The following PRKN variants were observed in gnomAD, a reference collection of about 807,000 sequenced individuals.
PRKN encodes E3 ubiquitin-protein ligase parkin.
A neutral mutation model predicts 59.5 loss-of-function variants in PRKN; 56 were observed. That is an observed-to-expected ratio of 0.94 (90% CI 0.76 to 1.18). The LOEUF is 1.18. Among genes scored for constraint, PRKN ranks in the 50% most tolerant of loss-of-function variants. PRKN has a pLI of 0.00. For missense variants in PRKN, 657 were observed against 596.4 expected (o/e 1.10, Z -1.06); for synonymous variants, 250 against 222.1 (o/e 1.13, Z -1.12).
chr6:161,605,939 T>G (rs2128144837), intron 7 of PRKN, among the ~76,000 whole-genome samples: 1 of 152,256 alleles, frequency 6.6e-6, no homozygotes, highest in Non-Finnish European at 1.5e-5. Flanking sequence ...TGCGGACATG[T>G]GTGCAAACAC....
At chr6:162,450,311 A>T (rs901206828) in intron 1 of PRKN, among the ~76,000 whole-genome samples, 1 of 112,780 alleles carries the variant, frequency 8.9e-6, no homozygotes, top group African/African-American at 6.6e-5. Flanking sequence ...GTGAATATGA[A>T]CGCCCGTGAA....
chr6:162,033,677 T>A (rs1783726924), intron 5 of PRKN, among the ~76,000 whole-genome samples: 1 of 152,192 alleles, frequency 6.6e-6, no homozygotes, highest in South Asian at 2.1e-4. Context: ...AGCATGATTT[T>A]TTAATTAATT....
chr6:161,716,375 T>C (rs2128183909), intron 7 of PRKN, among the ~76,000 whole-genome samples: 1 of 152,250 alleles, frequency 6.6e-6, no homozygotes, highest in African/African-American at 2.4e-5. Flanking sequence ...AGTGCTTTTT[T>C]CCCCCTAAAT....
chr6:162,612,026 A>C (rs909649290), intron 1 of PRKN, among the ~76,000 whole-genome samples: 10 of 141,140 alleles, frequency 7.1e-5, no homozygotes, highest in Middle Eastern at 3.6e-3. Context: ...TCTACTAAAA[A>C]TACGAAAAAA....
intron 1 of PRKN, among the ~76,000 whole-genome samples, chr6:162,701,486 A>T (rs1420301078): frequency 6.6e-6 from 1 of 152,022 alleles, no homozygotes; most frequent in Non-Finnish European, 1.5e-5. Flanking sequence ...AAAAAAAAAA[A>T]TTGGCTCATG....
intron 2 of PRKN, among the ~76,000 whole-genome samples, chr6:162,296,596 T>C (rs1294723218): frequency 6.6e-6 from 1 of 152,090 alleles, no homozygotes; most frequent in Non-Finnish European, 1.5e-5. Flanking sequence ...CCAACCAAAT[T>C]ATTATGTGCC....
At chr6:161,897,963 T>C (rs1220649448) in intron 6 of PRKN, among the ~76,000 whole-genome samples, 4 of 844 alleles carry the variant, frequency 4.7e-3, no homozygotes, top group Admixed American at 0.029. Context: ...CGAGACTCCG[T>C]CTCAAAAAAA....
chr6:161,915,194 C>A (rs1778509708), intron 6 of PRKN, among the ~76,000 whole-genome samples: 1 of 151,982 alleles, frequency 6.6e-6, no homozygotes, highest in African/African-American at 2.4e-5. Context: ...GCTGAGGCAC[C>A]AGAATTATTT....
intron 9 of PRKN, among the ~76,000 whole-genome samples, chr6:161,490,547 C>T (rs542486080): frequency 7.2e-5 from 11 of 152,042 alleles, no homozygotes; most frequent in African/African-American, 2.4e-4. Context: ...GGCACCACCA[C>T]GCTCAGCTAA....
At chr6:162,173,712 T>C (rs1360169662) in intron 4 of PRKN, among the ~76,000 whole-genome samples, 3 of 152,208 alleles carry the variant, frequency 2.0e-5, no homozygotes, top group Admixed American at 1.3e-4. Flanking sequence ...AACTGGGTCA[T>C]AGTCTCCTGG....
At chr6:162,381,921 GT>G (rs1562718050) in intron 2 of PRKN, among the ~76,000 whole-genome samples, 1 of 152,090 alleles carries the variant, frequency 6.6e-6, no homozygotes. Context: ...TAGTAGAATT[GT>G]TTTTCTTTTT....
In PRKN at chr6:161,355,576, T is replaced by C. The variant is rs193012402; in HGVS notation, c.1285+4512A>G. Among the ~76,000 whole-genome samples, 5 of 152,042 alleles carry C rather than the reference T, an allele frequency of 3.3e-5. No individual in the cohort carries two copies. Among genetic ancestry groups the C allele is most frequent in the Non-Finnish European group, 7.4e-5 (5 of 67,956 alleles). ...GCCACCACACCTAGCTATTTTTTTTTTGTATTTTTACTAGAGACAGGGTTT... is the reference window on the plus strand; with the variant it reads ...GCCACCACACCTAGCTATTTTTTTTCTGTATTTTTACTAGAGACAGGGTTT... On this transcript the variant is annotated intron_variant, in intron 11 of 11. Coordinates refer to ENST00000366898, the MANE Select transcript of PRKN (RefSeq NM_004562.3). The surrounding 1 kb of genome is among the most constrained non-coding windows in gnomAD (Gnocchi z 6.8).
intron 7 of PRKN, among the ~76,000 whole-genome samples, chr6:161,694,961 A>G (rs907900448): frequency 1.3e-5 from 2 of 151,938 alleles, no homozygotes; most frequent in African/African-American, 4.8e-5. Context: ...CCCAGACCTC[A>G]TCATTAATTG....
At chr6:162,128,385 GA>G (rs1412616085) in intron 4 of PRKN, among the ~76,000 whole-genome samples, 1 of 152,094 alleles carries the variant, frequency 6.6e-6, no homozygotes, top group Non-Finnish European at 1.5e-5. Flanking sequence ...ATATATATTT[GA>G]CTACAGATAA....
Position 162,163,191 on chromosome 6 carries a change from C to A in PRKN, c.534+37940G>T, listed in dbSNP as rs546549836. 4.0e-5 allele frequency among the ~76,000 whole-genome samples: 6 copies of A among 149,056 alleles called. No individual in the cohort carries two copies. In the East Asian group the frequency reaches 1.2e-3, roughly 29 times the overall value. On this transcript the variant is annotated intron_variant, in intron 4 of 11. Transcript: ENST00000366898. ...TGTCTCTAACTTCCTGTATATGCCA[C>A]GCTAGTTTCTGTATAGAATAGGTTA...
intron 1 of PRKN, among the ~76,000 whole-genome samples, chr6:162,448,004 T>C (rs965808164): frequency 9.2e-5 from 14 of 152,182 alleles, no homozygotes; most frequent in African/African-American, 3.1e-4. Flanking sequence ...CATCATGTGA[T>C]GCCTCAGACA....
At chr6:162,150,140 G>A (rs1189599582) in intron 4 of PRKN, among the ~76,000 whole-genome samples, 3 of 152,066 alleles carry the variant, frequency 2.0e-5, no homozygotes, top group East Asian at 1.9e-4. Flanking sequence ...TACCATCGCC[G>A]TGTCTTTTTA....
chr6:161,686,896 C>T (rs1035784405), intron 7 of PRKN, among the ~76,000 whole-genome samples: 2 of 152,208 alleles, frequency 1.3e-5, no homozygotes, highest in African/African-American at 4.8e-5. Flanking sequence ...CCACGCCTGA[C>T]CTTGGAGCTG....
intron 7 of PRKN, among the ~76,000 whole-genome samples, chr6:161,572,101 A>G (rs890877965): frequency 2.4e-4 from 36 of 152,064 alleles, no homozygotes; most frequent in African/African-American, 8.7e-4. Flanking sequence ...CCCCCAGTAA[A>G]CGTCCTCTTG....
Sources: allele counts gnomAD v4.1 joint callset (sites outside exome capture counted in the v4.1 genomes callset), GRCh38; gene constraint gnomAD v4.1.1; non-coding constraint Gnocchi (gnomAD v3.1); transcripts MANE v1.5; gene names NCBI Gene and HGNC (gene_info 2026-07-23, HGNC 2026-07-21).